Variants in ZFYVE27 observed in about 807,000 individuals in gnomAD.
The protein encoded by ZFYVE27 is protrudin.
Under a neutral mutation model 52.8 loss-of-function variants are expected in ZFYVE27, and 36 were observed. That is an observed-to-expected ratio of 0.68 (90% CI 0.52 to 0.90). The LOEUF is 0.90. Ranked by LOEUF, ZFYVE27 falls within the 40% of genes least tolerant of loss-of-function variation. ZFYVE27 has a pLI of 0.00. For missense variants in ZFYVE27, 450 were observed against 527.2 expected (o/e 0.85, Z 1.43); for synonymous variants, 223 against 215.6 (o/e 1.03, Z -0.30).
chr10:97,740,061 G>T (rs1171696229), intron 2 of ZFYVE27, among the ~76,000 whole-genome samples: 1 of 152,164 alleles, frequency 6.6e-6, no homozygotes, highest in Non-Finnish European at 1.5e-5. Context: ...GTCTGCACAT[G>T]TGTGTATTTC....
At chr10:97,754,961 G>C (rs2047977465) in intron 10 of ZFYVE27, 1 of 411,278 alleles carries the variant, frequency 2.4e-6, no homozygotes, top group East Asian at 1.6e-4. Flanking sequence ...CTCAAATTCA[G>C]GTTGTCTGAT....
In ZFYVE27 at chr10:97,742,966, C is replaced by A. The variant is rs1038358205; in HGVS notation, c.198-128C>A. ...CAGTCCAAGTGAGAGGCCCCCTTTT[C>A]GTTTCTCCTTGACCTTCTGTGTTCC... On this transcript the variant is annotated intron_variant, in intron 2 of 12. Coordinates refer to ENST00000684270, the MANE Select transcript of ZFYVE27 (RefSeq NM_001385875.1). 3.0e-6 allele frequency: 3 copies of A among 999,850 alleles called. No homozygotes were observed. The African/African-American group carries it at 4.8e-5, about 16-fold the overall frequency. The allele number at this position is 999,850 out of a possible 1,614,324, so 61.9% of individuals were successfully genotyped here. A position where few individuals can be genotyped will look rare whatever the true frequency, so the allele number is the denominator to read the frequency against.
chr10:97,758,616 C>T (rs991439302), intron 12 of ZFYVE27, among the ~76,000 whole-genome samples: 1 of 152,218 alleles, frequency 6.6e-6, no homozygotes, highest in Non-Finnish European at 1.5e-5. Flanking sequence ...GCCACCGCCC[C>T]CAGCCCAAGT....
In ZFYVE27 at chr10:97,759,722, A is replaced by T. The variant is rs1590125996; in HGVS notation, c.*422A>T. The T allele has an allele frequency of 1.4e-5, 4 of 277,490 alleles. No individual in the cohort carries two copies. The East Asian group carries it at 3.2e-4, about 22-fold the overall frequency. 17.2% of individuals were successfully genotyped at this position (277,490 alleles called of 1,614,324 possible). The stretch of plus-strand genomic sequence containing the variant: ...AAAAGAGGTTTTTCTCCTGCAGGGT[A>T]CTGGGCCAGGCCCTCAGCCTCAGAG... On this transcript the variant is annotated 3_prime_UTR_variant, in exon 13 of 13. Transcript: ENST00000684270.
intron 10 of ZFYVE27, among the ~76,000 whole-genome samples, chr10:97,755,854 C>T (rs1050559323): frequency 1.5e-4 from 23 of 152,148 alleles, no homozygotes; most frequent in Non-Finnish European, 2.5e-4. Context: ...GTCATGGCCT[C>T]GGTGGCATCG....
At chr10:97,739,614 A>G (rs2043062420) in intron 2 of ZFYVE27, among the ~76,000 whole-genome samples, 1 of 152,188 alleles carries the variant, frequency 6.6e-6, no homozygotes. Flanking sequence ...ATATCATCCT[A>G]TACTCAGTTC....
intron 12 of ZFYVE27, among the ~76,000 whole-genome samples, chr10:97,758,961 A>G (rs940234170): frequency 6.6e-6 from 1 of 152,120 alleles, no homozygotes; most frequent in African/African-American, 2.4e-5. Context: ...TTTGTATTTA[A>G]TATTTTATTT....
intron 10 of ZFYVE27, chr10:97,754,941 GGAGCTGT>G: frequency 1.6e-6 from 1 of 614,514 alleles, no homozygotes; most frequent in East Asian, 1.4e-4. Flanking sequence ...TGGAAATGGT[GGAGCTGT>G]GACTCAAATT....
At chr10:97,749,405 G>C (rs2046332927) in intron 5 of ZFYVE27, 69 bp from the exon 6 acceptor site, 16 of 1,158,898 alleles carry the variant, frequency 1.4e-5, no homozygotes, top group Non-Finnish European at 2.1e-5. Context: ...CCTGCTGTGG[G>C]TGTGCTCCAA....
At chr10:97,739,840 T>TAGA in intron 2 of ZFYVE27, among the ~76,000 whole-genome samples, 1 of 151,970 alleles carries the variant, frequency 6.6e-6, no homozygotes, top group East Asian at 1.9e-4. Context: ...TGGTGCAGAC[T>TAGA]AGAAGTTAGA....
At chr10:97,758,881 A>C (rs1160040336) in intron 12 of ZFYVE27, among the ~76,000 whole-genome samples, 1 of 152,136 alleles carries the variant, frequency 6.6e-6, no homozygotes, top group Admixed American at 6.5e-5. Context: ...TCTTGGGTTC[A>C]AACAATTCTT....
chr10:97,751,840 G>C (rs570901142), intron 8 of ZFYVE27, among the ~76,000 whole-genome samples: 1 of 152,210 alleles, frequency 6.6e-6, no homozygotes, highest in South Asian at 2.1e-4. Context: ...GTCCCTTTGC[G>C]GGGCTGGGAG....
At chr10:97,756,118 C>T (rs944955343) in intron 10 of ZFYVE27, among the ~76,000 whole-genome samples, 2 of 152,170 alleles carry the variant, frequency 1.3e-5, no homozygotes, top group African/African-American at 4.8e-5. Context: ...TGAGTAGCTC[C>T]TTTTGCCTGT....
intron 1 of ZFYVE27, among the ~76,000 whole-genome samples, chr10:97,738,119 G>A (rs1017544432): frequency 6.6e-6 from 1 of 152,188 alleles, no homozygotes; most frequent in African/African-American, 2.4e-5. Context: ...CCAGAGTTGG[G>A]GGTGTTGGCA....
At chr10:97,757,094 T>G in intron 10 of ZFYVE27, 171 bp from the exon 11 acceptor site, 1 of 784,866 alleles carries the variant, frequency 1.3e-6, no homozygotes, top group Non-Finnish European at 2.1e-6. Flanking sequence ...TCAGTCTTCT[T>G]AGTTTGAGTC....
chr10:97,746,841 A>G (rs1343228289), intron 4 of ZFYVE27, among the ~76,000 whole-genome samples: 4 of 151,978 alleles, frequency 2.6e-5, no homozygotes, highest in Admixed American at 2.6e-4. Flanking sequence ...AGGCACATGC[A>G]CCATACCCTG....
In ZFYVE27 at chr10:97,760,007, G is replaced by A. The variant is rs1400392098; in HGVS notation, c.*707G>A. On this transcript the variant is annotated 3_prime_UTR_variant, in exon 13 of 13. Transcript: ENST00000684270. Reference sequence around the variant, plus strand: ...GCTGGACAGACCTCGGCCTCCCCTCGAAGACACCTCAATTCACAGACTCTC... The same window carrying A: ...GCTGGACAGACCTCGGCCTCCCCTCAAAGACACCTCAATTCACAGACTCTC... The A allele has an allele frequency of 6.5e-6, 1 of 154,552 alleles. No homozygotes were observed. Among genetic ancestry groups the A allele is most frequent in the Non-Finnish European group, 1.4e-5 (1 of 69,520 alleles). 9.6% of individuals were successfully genotyped at this position (154,552 alleles called of 1,614,324 possible).
chr10:97,745,886 TA>T (rs1054551235), intron 4 of ZFYVE27, among the ~76,000 whole-genome samples: 1 of 151,960 alleles, frequency 6.6e-6, no homozygotes, highest in Non-Finnish European at 1.5e-5. Context: ...TGAAATAGAA[TA>T]GGGGCAAGAA....
chr10:97,752,712 C>T, intron 8 of ZFYVE27, 145 bp from the exon 9 acceptor site: 1 of 927,164 alleles, frequency 1.1e-6, no homozygotes, highest in East Asian at 2.6e-5. Context: ...GGGCGTCTGT[C>T]AATGTCACCA....
Sources: allele counts gnomAD v4.1 joint callset (sites outside exome capture counted in the v4.1 genomes callset), GRCh38; gene constraint gnomAD v4.1.1; transcripts MANE v1.5; gene names NCBI Gene and HGNC (gene_info 2026-07-23, HGNC 2026-07-21).